GRAMD2B: variants seen among roughly 807,000 people sequenced by gnomAD.
GRAMD2B encodes GRAM domain-containing protein 2B.
A neutral mutation model predicts 59.2 loss-of-function variants in GRAMD2B; 41 were observed. The observed-to-expected ratio is 0.69, with a 90% CI of 0.54 to 0.90. The LOEUF is 0.90. Ranked by LOEUF, GRAMD2B falls within the 40% of genes least tolerant of loss-of-function variation. The pLI is 0.00. For missense variants in GRAMD2B, 424 were observed against 500.5 expected (o/e 0.85, Z 1.46); for synonymous variants, 161 against 182.7 (o/e 0.88, Z 0.96).
chr5:126,370,261 T>C (rs1051275491), upstream of GRAMD2B, among the ~76,000 whole-genome samples: 1 of 152,226 alleles, frequency 6.6e-6, no homozygotes, highest in Admixed American at 6.5e-5. Context: ...CAATACAGCA[T>C]GTAGAGCAGC....
intron 1 of GRAMD2B, among the ~76,000 whole-genome samples, chr5:126,439,608 C>T (rs372634984): frequency 7.2e-5 from 11 of 151,982 alleles, no homozygotes; most frequent in South Asian, 4.2e-4. Flanking sequence ...TTACAGACAC[C>T]GCACCTGGCC....
chr5:126,443,723 T>C (rs1332230667), intron 1 of GRAMD2B, among the ~76,000 whole-genome samples: 1 of 152,206 alleles, frequency 6.6e-6, no homozygotes, highest in Non-Finnish European at 1.5e-5. Context: ...TGCATGTTGT[T>C]ATATGCATAA....
At position 126,393,494 on chromosome 5, in the gene GRAMD2B, AT is replaced by A. The variant is rs147959759; in HGVS notation, c.125+21930del. 8.7e-3 allele frequency among the ~76,000 whole-genome samples: 1,322 copies of A among 152,348 alleles called. 17 individuals carry two copies. Among genetic ancestry groups the A allele is most frequent in the Non-Finnish European group, 0.013 (889 of 68,022 alleles). On this transcript the variant is annotated intron_variant, in intron 1 of 8. Coordinates refer to the GRAMD2B transcript ENST00000506445. Reference sequence around the variant, plus strand: ...TGACAAAAATATATAGTAAATTCTTATTTAGCAGCAGCATTTAAATACTACA... The same window carrying A: ...TGACAAAAATATATAGTAAATTCTTATTAGCAGCAGCATTTAAATACTACA...
At chr5:126,485,902 A>G in intron 11 of GRAMD2B, 129 bp downstream of exon 11, 1 of 598,950 alleles carries the variant, frequency 1.7e-6, no homozygotes, top group Non-Finnish European at 2.8e-6. Flanking sequence ...CTTTACTTTG[A>G]CAATTTCTGT....
chr5:126,454,656 C>T (rs911033959), intron 1 of GRAMD2B, among the ~76,000 whole-genome samples: 3 of 152,152 alleles, frequency 2.0e-5, no homozygotes, highest in African/African-American at 7.2e-5. Flanking sequence ...ATGACTTGTC[C>T]ACTTTCATGA....
Position 126,485,676 on chromosome 5 carries a change from C to T in GRAMD2B, c.971-10C>T, listed in dbSNP as rs954808083. 14 of 1,592,630 alleles carry T rather than the reference C, an allele frequency of 8.8e-6. No individual in the cohort carries two copies. Among genetic ancestry groups the T allele is most frequent in the Non-Finnish European group, 1.1e-5 (13 of 1,164,190 alleles). Reference sequence around the variant, plus strand: ...TTTTAAACAGTTGTTTTTTGTTTTCCTCCCAACAGGTCTGTCAGAAACTGT... The same window carrying T: ...TTTTAAACAGTTGTTTTTTGTTTTCTTCCCAACAGGTCTGTCAGAAACTGT... On this transcript the variant is annotated splice_polypyrimidine_tract_variant and intron_variant, in intron 10 of 13. Coordinates refer to ENST00000285689, the MANE Select transcript of GRAMD2B (RefSeq NM_023927.4).
intron 1 of GRAMD2B, among the ~76,000 whole-genome samples, chr5:126,391,139 G>C (rs1756706438): frequency 6.6e-6 from 1 of 151,830 alleles, no homozygotes; most frequent in South Asian, 2.1e-4. Flanking sequence ...TCAGGAGTTT[G>C]AGACCAGCCT....
At chr5:126,415,147 T>C (rs1759154729) in intron 1 of GRAMD2B, among the ~76,000 whole-genome samples, 1 of 152,124 alleles carries the variant, frequency 6.6e-6, no homozygotes, top group Admixed American at 6.5e-5. Flanking sequence ...TTCTAAAAGT[T>C]GTTCAGATGC....
chr5:126,452,104 A>G (rs1765483921), intron 1 of GRAMD2B, among the ~76,000 whole-genome samples: 1 of 152,204 alleles, frequency 6.6e-6, no homozygotes. Flanking sequence ...ATATCTCTAT[A>G]GCAATGCAAA....
In GRAMD2B at chr5:126,375,017, G is replaced by A. The variant is rs557140837; in HGVS notation, c.125+3450G>A. 1.3e-3 allele frequency among the ~76,000 whole-genome samples: 197 copies of A among 152,180 alleles called. 1 individual carries two copies. The highest frequency in any genetic ancestry group is 4.6e-3 in the African/African-American group (192 of 41,514). On this transcript the variant is annotated intron_variant, in intron 1 of 8. Coordinates refer to the GRAMD2B transcript ENST00000506445. ...ACTTGAGAAAATTCAACATCTTTAC[G>A]ATGTTAAATATACCAATTCATAAAC...
intron 1 of GRAMD2B, among the ~76,000 whole-genome samples, chr5:126,426,138 T>C (rs1760578565): frequency 6.6e-6 from 1 of 151,956 alleles, no homozygotes; most frequent in African/African-American, 2.4e-5. Flanking sequence ...GATTTGTCAA[T>C]TAAAAATAAT....
chr5:126,387,368 G>T (rs1240555652), intron 1 of GRAMD2B, among the ~76,000 whole-genome samples: 3 of 151,764 alleles, frequency 2.0e-5, no homozygotes, highest in Non-Finnish European at 4.4e-5. Flanking sequence ...TGGTTTATGA[G>T]GCTAAACAAA....
chr5:126,455,276 G>A (rs896074420), intron 1 of GRAMD2B, among the ~76,000 whole-genome samples: 5 of 152,238 alleles, frequency 3.3e-5, no homozygotes, highest in Admixed American at 1.3e-4. Context: ...TAAAAGGTGG[G>A]CATTTAATAT....
intron 1 of GRAMD2B, among the ~76,000 whole-genome samples, chr5:126,425,122 A>T (rs1437028384): frequency 2.0e-5 from 3 of 152,330 alleles, no homozygotes; most frequent in Non-Finnish European, 4.4e-5. Flanking sequence ...CATCTTTTAT[A>T]GCCAAACAAT....
At chr5:126,444,784 C>T (rs1009841841) in intron 1 of GRAMD2B, among the ~76,000 whole-genome samples, 1 of 152,144 alleles carries the variant, frequency 6.6e-6, no homozygotes, top group African/African-American at 2.4e-5. Context: ...GTTTGCTGCA[C>T]AGATCAACCC....
Position 126,395,613 on chromosome 5 carries a change from C to CA in GRAMD2B, c.125+24053dup, listed in dbSNP as rs1161766652. ...CTTTTTTAAATTGCTAAGATGAATC[C>CA]AAAAAAATCTATTAGTAAACTCTGT... On this transcript the variant is annotated intron_variant, in intron 1 of 8. Transcript: ENST00000506445. 2.0e-5 allele frequency among the ~76,000 whole-genome samples: 3 copies of CA among 151,806 alleles called. No individual in the cohort carries two copies. In the East Asian group the frequency reaches 5.8e-4, roughly 29 times the overall value.
In GRAMD2B at chr5:126,493,763, T is replaced by TA. The variant is rs1325426512; in HGVS notation, c.*807_*808insA. 2.0e-5 allele frequency: 3 copies of TA among 152,566 alleles called. No individual in the cohort carries two copies. The highest frequency in any genetic ancestry group is 6.5e-5 in the Admixed American group (1 of 15,278). 9.5% of individuals were successfully genotyped at this position (152,566 alleles called of 1,614,324 possible). ...TTAATACAGGATGAAAAACACTGAA[T>TA]TTTTAAGACTGTAGGTGGACTATGT... On this transcript the variant is annotated 3_prime_UTR_variant, in exon 14 of 14. Coordinates refer to ENST00000285689, the MANE Select transcript of GRAMD2B (RefSeq NM_023927.4).
At chr5:126,401,690 A>G (rs1227278095) in intron 1 of GRAMD2B, among the ~76,000 whole-genome samples, 1 of 152,070 alleles carries the variant, frequency 6.6e-6, no homozygotes, top group East Asian at 1.9e-4. Flanking sequence ...TCTTGTTCCA[A>G]CAAGGAGTGT....
chr5:126,397,269 G>C (rs1358757167), intron 1 of GRAMD2B, among the ~76,000 whole-genome samples: 1 of 152,090 alleles, frequency 6.6e-6, no homozygotes, highest in African/African-American at 2.4e-5. Context: ...CTGTCATCCA[G>C]GCTGAAACAG....
Sources: gnomAD v4.1 joint callset for allele counts (sites outside exome capture counted in the v4.1 genomes callset) on GRCh38, gnomAD v4.1.1 for gene constraint, MANE v1.5 for transcripts, NCBI Gene and HGNC (gene_info 2026-07-23, HGNC 2026-07-21) for gene names.